Variants in ARHGEF6 observed in about 807,000 individuals in gnomAD.
The protein encoded by ARHGEF6 is rho guanine nucleotide exchange factor 6.
In ARHGEF6, 9 loss-of-function variants were observed where a neutral mutation model predicts 70.3. That is an observed-to-expected ratio of 0.13 (90% CI 0.08 to 0.22). The LOEUF (loss-of-function observed/expected upper bound fraction) is 0.22, where lower values mean the gene tolerates loss of function less well. Among genes scored for constraint, ARHGEF6 ranks in the 10% least tolerant of loss-of-function variants. ARHGEF6 has a pLI of 1.00. For synonymous variants in ARHGEF6, 201 were observed against 207.8 expected, an observed-to-expected ratio of 0.97 and a Z score of 0.28; for missense variants, 470 against 563.0, an observed-to-expected ratio of 0.83 and a Z score of 1.67.
intron 5 of ARHGEF6, among the ~76,000 whole-genome samples, chrX:136,741,536 TTTG>T (rs1190298052): frequency 0.011 from 1,139 of 107,281 alleles, 20 homozygotes; most frequent in African/African-American, 0.039. Flanking sequence ...TTTTTTTTTT[TTTG>T]TGTGTGTGTG....
At chrX:136,686,631 T>TATATATACAC (rs2076397142) in intron 11 of ARHGEF6, among the ~76,000 whole-genome samples, 7 of 76,293 alleles carry the variant, frequency 9.2e-5, no homozygotes, top group African/African-American at 5.0e-4. Flanking sequence ...TACACATATA[T>TATATATACAC]ATATATATAT....
intron 2 of ARHGEF6, among the ~76,000 whole-genome samples, chrX:136,766,952 C>T (rs2077320578): frequency 8.9e-6 from 1 of 112,427 alleles, no homozygotes; most frequent in Non-Finnish European, 1.9e-5. Context: ...TGGCCCTCAT[C>T]TCCCCCTTCC....
intron 5 of ARHGEF6, among the ~76,000 whole-genome samples, chrX:136,736,970 G>A (rs762996623): frequency 1.8e-5 from 2 of 111,501 alleles, no homozygotes; most frequent in Non-Finnish European, 3.8e-5. Context: ...TGTTCTGCTT[G>A]TAAGACATTA....
chrX:136,713,425 G>A (rs1417058898), intron 6 of ARHGEF6, 55 bp from the exon 7 acceptor site: 3 of 940,362 alleles, frequency 3.2e-6, no homozygotes, highest in South Asian at 2.0e-5. Flanking sequence ...AAGGCAAAAT[G>A]TAGCTTTGAT....
intron 9 of ARHGEF6, among the ~76,000 whole-genome samples, chrX:136,691,667 T>A (rs941628860): frequency 4.5e-5 from 5 of 112,147 alleles, no homozygotes; most frequent in Non-Finnish European, 9.4e-5. Context: ...TTGGATCTGT[T>A]CATTCCTTTC....
At chrX:136,779,102 G>A (rs1217933120) in intron 2 of ARHGEF6, among the ~76,000 whole-genome samples, 1 of 112,026 alleles carries the variant, frequency 8.9e-6, no homozygotes, top group African/African-American at 3.2e-5. Context: ...CCAACAGTCA[G>A]TGGCCCACTT....
At chrX:136,726,238 T>A (rs866705485) in intron 6 of ARHGEF6, among the ~76,000 whole-genome samples, 21 of 111,564 alleles carry the variant, frequency 1.9e-4, no homozygotes, top group South Asian at 3.7e-4. Flanking sequence ...TAGAACCGCC[T>A]GCAGTGATTG....
At chrX:136,733,519 C>T (rs2076956712) in intron 5 of ARHGEF6, among the ~76,000 whole-genome samples, 1 of 111,511 alleles carries the variant, frequency 9.0e-6, no homozygotes, top group South Asian at 3.7e-4. Flanking sequence ...CACATATGCA[C>T]ACACTCTTGG....
At chrX:136,752,403 G>A (rs986479501) in intron 2 of ARHGEF6, among the ~76,000 whole-genome samples, 1 of 111,984 alleles carries the variant, frequency 8.9e-6, no homozygotes, top group Non-Finnish European at 1.9e-5. Flanking sequence ...ATCCATATTT[G>A]TGAGGTCCTG....
intron 21 of ARHGEF6, among the ~76,000 whole-genome samples, chrX:136,668,512 T>TTTCTTCTTCTTC (rs546433801): frequency 1.6e-4 from 16 of 98,398 alleles, no homozygotes; most frequent in South Asian, 5.1e-4. Context: ...CAGCCTGGTA[T>TTTCTTCTTCTTC]TTCTTCTTCT....
At position 136,667,074 on chromosome X, in the gene ARHGEF6, A is replaced by G. The variant is rs138086423; in HGVS notation, c.*955T>C. On this transcript the variant is annotated 3_prime_UTR_variant, in exon 22 of 22. Coordinates refer to ENST00000250617, the MANE Select transcript of ARHGEF6 (RefSeq NM_004840.3). ...CACAGTTTGAATATGCAACGTACATAAAGTAACTCCTCACAGTCTAACTAC... is the reference window on the plus strand; with the variant it reads ...CACAGTTTGAATATGCAACGTACATGAAGTAACTCCTCACAGTCTAACTAC... 8.9e-6 allele frequency: 1 copy of G among 112,893 alleles called. No homozygotes were observed. The highest frequency in any genetic ancestry group is 1.9e-5 in the Non-Finnish European group (1 of 53,392). The allele number at this position is 112,893 out of a possible 1,213,427, so 9.3% of individuals were successfully genotyped here.
chrX:136,686,697 C>CATATAT (rs768836827), intron 11 of ARHGEF6, among the ~76,000 whole-genome samples: 1 of 42,938 alleles, frequency 2.3e-5, no homozygotes, highest in Non-Finnish European at 4.0e-5. Context: ...TATATATACA[C>CATATAT]ATATATATAT....
intron 5 of ARHGEF6, among the ~76,000 whole-genome samples, chrX:136,740,723 C>T (rs2077033428): frequency 9.0e-6 from 1 of 111,526 alleles, no homozygotes; most frequent in African/African-American, 3.3e-5. Flanking sequence ...TAAGGAGAGT[C>T]GTCAAAGTGA....
At chrX:136,767,296 C>T (rs1176418671) in intron 2 of ARHGEF6, 1 of 754,757 alleles carries the variant, frequency 1.3e-6, no homozygotes, top group East Asian at 1.5e-4. Context: ...ATCAACCCAG[C>T]CGGAGCTGGG....
rs754736652 is a variant in ARHGEF6 at position 136,668,147 on chromosome X, C to A, written c.2213G>T (p.Cys738Phe). Reference sequence around the variant, plus strand: ...TCTTGATTTCAGTTCTTCTTCCAGGCATTGCTTCATTCTTTTATTTTCCTA... The same window carrying A: ...TCTTGATTTCAGTTCTTCTTCCAGGAATTGCTTCATTCTTTTATTTTCCTA... ...LKQENKRMKQCLEEELKSRRD... is the reference protein window; with the variant it reads ...LKQENKRMKQFLEEELKSRRD... The change falls in exon 22 of 22, where the codon TGC becomes TTC. Residue 738 changes from cysteine (C) to phenylalanine (F), a missense_variant. Coordinates refer to ENST00000250617, the MANE Select transcript of ARHGEF6 (RefSeq NM_004840.3). 2.3e-5 allele frequency: 28 copies of A among 1,209,686 alleles called. No individual in the cohort carries two copies. Among genetic ancestry groups the A allele is most frequent in the East Asian group, 3.0e-5 (1 of 33,771 alleles).
chrX:136,680,107 G>A (rs926616771), intron 15 of ARHGEF6, among the ~76,000 whole-genome samples: 4 of 112,294 alleles, frequency 3.6e-5, no homozygotes, highest in African/African-American at 1.3e-4. Context: ...TGAAGCCAAA[G>A]TCCATATTCT....
At chrX:136,767,827 C>T (rs1603355910) in intron 2 of ARHGEF6, 4 of 730,779 alleles carry the variant, frequency 5.5e-6, no homozygotes, top group East Asian at 1.6e-4. Flanking sequence ...GAAGTGACAG[C>T]GGCGCAGGCA....
At chrX:136,682,448 T>C (rs954903582) in intron 13 of ARHGEF6, among the ~76,000 whole-genome samples, 1 of 112,215 alleles carries the variant, frequency 8.9e-6, no homozygotes, top group Non-Finnish European at 1.9e-5. Context: ...CCCAGCTTTA[T>C]GTTTTCTCAG....
intron 9 of ARHGEF6, among the ~76,000 whole-genome samples, chrX:136,699,116 TTTTCC>T (rs1325744277): frequency 8.9e-6 from 1 of 111,888 alleles, no homozygotes; most frequent in Non-Finnish European, 1.9e-5. Context: ...ATAAATATAT[TTTTCC>T]TTTCCTTTCT....
Sources: gnomAD v4.1 joint callset for allele counts (sites outside exome capture counted in the v4.1 genomes callset) on GRCh38, gnomAD v4.1.1 for gene constraint, MANE v1.5 for transcripts, NCBI Gene and HGNC (gene_info 2026-07-23, HGNC 2026-07-21) for gene names.